SLC25A48: variants seen among roughly 807,000 people sequenced by gnomAD.
The protein encoded by SLC25A48 is solute carrier family 25 member 48.
Under a neutral mutation model 32.2 loss-of-function variants are expected in SLC25A48, and 29 were observed. The ratio of observed to expected loss-of-function variants is 0.90; its 90% CI spans 0.67 to 1.23. SLC25A48 has a LOEUF of 1.23. Among genes scored for constraint, SLC25A48 ranks in the 50% most tolerant of loss-of-function variants. The pLI is 0.00. For missense variants in SLC25A48, 399 were observed against 422.7 expected, an observed-to-expected ratio of 0.94 and a Z score of 0.49; for synonymous variants, 164 against 172.3, an observed-to-expected ratio of 0.95 and a Z score of 0.38.
intron 3 of SLC25A48, among the ~76,000 whole-genome samples, chr5:135,794,273 C>T (rs1294371333): frequency 2.6e-5 from 4 of 150,998 alleles, no homozygotes; most frequent in South Asian, 4.2e-4. Flanking sequence ...CCCAATATTG[C>T]GGGGGATATC....
chr5:135,829,382 C>G (rs1758147037), intron 4 of SLC25A48, among the ~76,000 whole-genome samples: 1 of 152,146 alleles, frequency 6.6e-6, no homozygotes, highest in Non-Finnish European at 1.5e-5. Flanking sequence ...AGCAGCATTT[C>G]CTATTCTCAG....
chr5:135,714,023 G>A (rs1189908414), intron 3 of SLC25A48, among the ~76,000 whole-genome samples: 2 of 152,212 alleles, frequency 1.3e-5, no homozygotes, highest in Non-Finnish European at 2.9e-5. Flanking sequence ...GCAAGGCAGG[G>A]CTTATTGAAA....
intron 1 of SLC25A48, among the ~76,000 whole-genome samples, chr5:135,591,617 A>G (rs1414007757): frequency 6.6e-6 from 1 of 152,096 alleles, no homozygotes; most frequent in East Asian, 1.9e-4. Context: ...TTTTCCTCAA[A>G]CAGCCTGGAG....
chr5:135,745,957 G>C (rs768346810), intron 3 of SLC25A48, among the ~76,000 whole-genome samples: 5 of 152,028 alleles, frequency 3.3e-5, no homozygotes, highest in African/African-American at 1.2e-4. Context: ...CTTCTGTCCC[G>C]GATCCTCTTA....
At chr5:135,726,602 G>A (rs1354297877) in intron 3 of SLC25A48, among the ~76,000 whole-genome samples, 4 of 152,176 alleles carry the variant, frequency 2.6e-5, no homozygotes, top group African/African-American at 9.7e-5. Context: ...CTTACTCAGC[G>A]TAATGCTCTG....
intron 2 of SLC25A48, among the ~76,000 whole-genome samples, chr5:135,846,738 A>G (rs911538478): frequency 1.3e-5 from 2 of 152,092 alleles, no homozygotes; most frequent in African/African-American, 4.8e-5. Context: ...CATTCACACA[A>G]TCCAGGGCTC....
intron 1 of SLC25A48, among the ~76,000 whole-genome samples, chr5:135,583,141 C>T (rs1310467447): frequency 6.6e-6 from 1 of 151,482 alleles, no homozygotes; most frequent in East Asian, 1.9e-4. Context: ...TGAATCCAGG[C>T]TGCACAGGCT....
intron 3 of SLC25A48, among the ~76,000 whole-genome samples, chr5:135,730,888 G>A (rs761272628): frequency 6.6e-6 from 1 of 152,218 alleles, no homozygotes; most frequent in Non-Finnish European, 1.5e-5. Flanking sequence ...GGAAACTGAG[G>A]TTCAGAGGGG....
intron 4 of SLC25A48, among the ~76,000 whole-genome samples, chr5:135,860,495 G>A (rs1027243103): frequency 3.1e-4 from 47 of 152,248 alleles, no homozygotes; most frequent in African/African-American, 7.2e-4. Flanking sequence ...CCACTTTATC[G>A]GACTGTTGCC....
intron 3 of SLC25A48, among the ~76,000 whole-genome samples, chr5:135,740,188 G>GTATA (rs939915968): frequency 3.8e-4 from 57 of 151,172 alleles, no homozygotes; most frequent in African/African-American, 1.4e-3. Flanking sequence ...GTGTGTGTAT[G>GTATA]TATATATATA....
chr5:135,745,933 T>G (rs62364637), intron 3 of SLC25A48, among the ~76,000 whole-genome samples: 7,802 of 152,212 alleles, frequency 0.051, 284 homozygotes, highest in East Asian at 0.13. Context: ...TGTGGTCAGT[T>G]ATTGTCACTC....
In SLC25A48 at chr5:135,886,646, A is replaced by ATGTGTG. The variant is rs1446545599; in HGVS notation, c.*8-1385_*8-1384insGTGTGT. Reference sequence around the variant, plus strand: ...ATATATATATATATATAAAATATATATATGTGTGTGTGTGTGTGTGTGTGT... The same window carrying ATGTGTG: ...ATATATATATATATATAAAATATATATGTGTGTATGTGTGTGTGTGTGTGTGTGTGT... On this transcript the variant is annotated intron_variant, in intron 7 of 7. Coordinates refer to ENST00000681962, the MANE Select transcript of SLC25A48 (RefSeq NM_001349336.2). Among the ~76,000 whole-genome samples the ATGTGTG allele has an allele frequency of 1.2e-3, 42 of 36,444 alleles. 1 individual carries two copies. The highest frequency in any genetic ancestry group is 4.5e-3 in the South Asian group (4 of 898). The allele number at this position is 36,444 out of a possible 152,430, so 23.9% of individuals were successfully genotyped here. A position where few individuals can be genotyped will look rare whatever the true frequency, so the allele number is the denominator to read the frequency against.
chr5:135,778,886 C>T (rs1039519368), intron 3 of SLC25A48, among the ~76,000 whole-genome samples: 1 of 99,034 alleles, frequency 1.0e-5, no homozygotes, highest in African/African-American at 4.1e-5. Context: ...CAGGTGGTTG[C>T]AGGCTGGTAT....
At position 135,781,030 on chromosome 5, in the gene SLC25A48, T is replaced by C. The variant is rs770175491; in HGVS notation, c.-520-31493T>C. ...CTAATATCCAGGGGGGAGATGATGATTCTACTTCCAATATTGCAGGGGGCG... is the reference window on the plus strand; with the variant it reads ...CTAATATCCAGGGGGGAGATGATGACTCTACTTCCAATATTGCAGGGGGCG... On this transcript the variant is annotated intron_variant, in intron 3 of 10. Transcript: ENST00000646290. 4.0e-4 allele frequency among the ~76,000 whole-genome samples: 47 copies of C among 116,762 alleles called. 15 individuals are homozygous for C. Among genetic ancestry groups the C allele is most frequent in the Non-Finnish European group, 5.7e-4 (27 of 47,352 alleles). 76.6% of individuals were successfully genotyped at this position (116,762 alleles called of 152,430 possible).
At chr5:135,738,626 C>T (rs1755433255) in intron 3 of SLC25A48, among the ~76,000 whole-genome samples, 2 of 152,208 alleles carry the variant, frequency 1.3e-5, no homozygotes, top group African/African-American at 4.8e-5. Flanking sequence ...CCTTGGCTGT[C>T]TGGGCTTCTG....
chr5:135,649,642 A>G (rs887020923), intron 3 of SLC25A48: 1 of 152,534 alleles, frequency 6.6e-6, no homozygotes, highest in Non-Finnish European at 1.5e-5. Flanking sequence ...AGGGAAAGGA[A>G]TCCCAGGCAA....
intron 1 of SLC25A48, among the ~76,000 whole-genome samples, chr5:135,840,975 C>CT (rs1213188124): frequency 1.3e-5 from 2 of 152,094 alleles, no homozygotes; most frequent in Admixed American, 1.3e-4. Flanking sequence ...CTATGTTTAG[C>CT]TTTTTTGAGG....
At chr5:135,757,020 AC>A (rs1329807825) in intron 3 of SLC25A48, among the ~76,000 whole-genome samples, 3 of 150,508 alleles carry the variant, frequency 2.0e-5, no homozygotes, top group African/African-American at 7.3e-5. Flanking sequence ...TCTAGTATTA[AC>A]ACTATATTAA....
At chr5:135,762,852 G>C (rs988890415) in intron 3 of SLC25A48, among the ~76,000 whole-genome samples, 1 of 152,052 alleles carries the variant, frequency 6.6e-6, no homozygotes, top group Admixed American at 6.6e-5. Flanking sequence ...AAGAATCAGT[G>C]GGAGAACTGC....
Sources: allele counts gnomAD v4.1 joint callset (sites outside exome capture counted in the v4.1 genomes callset), GRCh38; gene constraint gnomAD v4.1.1; transcripts MANE v1.5; gene names NCBI Gene and HGNC (gene_info 2026-07-23, HGNC 2026-07-21).